SPOPL: variants seen among roughly 807,000 people sequenced by gnomAD.
SPOPL encodes the protein speckle type BTB/POZ protein like.
SPOPL carries 23 observed loss-of-function variants against 53.8 expected under a neutral mutation model. The observed-to-expected ratio is 0.43, with a 90% confidence interval of 0.31 to 0.61. The LOEUF (loss-of-function observed/expected upper bound fraction) is 0.61. Among genes scored for constraint, SPOPL ranks in the 20% least tolerant of loss-of-function variants. SPOPL has a pLI of 0.12. For missense variants in SPOPL, 442 were observed against 466.9 expected, an observed-to-expected ratio of 0.95 and a Z score of 0.49; for synonymous variants, 164 against 149.7, an observed-to-expected ratio of 1.10 and a Z score of -0.70.
chr2:138,542,220 G>T (rs1452034270), intron 1 of SPOPL, among the ~76,000 whole-genome samples: 4 of 152,162 alleles, frequency 2.6e-5, no homozygotes, highest in African/African-American at 9.7e-5. Flanking sequence ...TGTTGATTTG[G>T]GGTGGAGAGT....
At chr2:138,529,083 T>G (rs1039425385) in intron 1 of SPOPL, among the ~76,000 whole-genome samples, 12 of 152,356 alleles carry the variant, frequency 7.9e-5, no homozygotes, top group Admixed American at 4.6e-4. Context: ...CAAAGTTGGC[T>G]GTGAAGCAGA....
At chr2:138,565,133 G>T (rs1424734876) in intron 10 of SPOPL, 140 bp downstream of exon 10, 1 of 1,065,570 alleles carries the variant, frequency 9.4e-7, no homozygotes, top group African/African-American at 1.6e-5. Context: ...AACAAACAAA[G>T]ACTACTTAGT....
In SPOPL at chr2:138,564,866, A is replaced by G. The variant is rs774633894; in HGVS notation, c.980+16A>G. The G allele has an allele frequency of 6.2e-7, 1 of 1,613,980 alleles. No individual in the cohort carries two copies. The highest frequency in any genetic ancestry group is 1.3e-5 in the African/African-American group (1 of 75,064). ...TTATTAATAGGTAAGCTATGCTTGT[A>G]TTTCAGTGGGCATGACAACTTCAAT... is the stretch of plus-strand genomic sequence containing the variant. On this transcript the variant is annotated intron_variant, in intron 9 of 10. Coordinates refer to ENST00000280098, the MANE Select transcript of SPOPL (RefSeq NM_001001664.3).
chr2:138,517,626 G>A (rs1296387243), intron 1 of SPOPL, among the ~76,000 whole-genome samples: 2 of 151,946 alleles, frequency 1.3e-5, no homozygotes, highest in Non-Finnish European at 2.9e-5. Context: ...TGTAGTCCCA[G>A]GTACCTGAGA....
chr2:138,506,725 A>T (rs74342770), intron 1 of SPOPL, among the ~76,000 whole-genome samples: 1,651 of 152,270 alleles, frequency 0.011, 33 homozygotes, highest in African/African-American at 0.037. Context: ...ACTGAGACAT[A>T]TAAGTAGAGA....
chr2:138,534,782 T>C (rs74512919), intron 1 of SPOPL, among the ~76,000 whole-genome samples: 1,654 of 152,264 alleles, frequency 0.011, 34 homozygotes, highest in African/African-American at 0.037. Flanking sequence ...TCCCCACAGG[T>C]CTGGCAACTA....
intron 1 of SPOPL, among the ~76,000 whole-genome samples, chr2:138,527,946 A>G (rs1172454952): frequency 6.6e-6 from 1 of 152,194 alleles, no homozygotes; most frequent in African/African-American, 2.4e-5. Flanking sequence ...ACACATGTCA[A>G]AGTAAGGAGG....
At chr2:138,559,478 T>G in intron 7 of SPOPL, 141 bp downstream of exon 7, 4 of 800,010 alleles carry the variant, frequency 5.0e-6, no homozygotes, top group Non-Finnish European at 7.9e-6. Flanking sequence ...AAAAAATGTG[T>G]TCTATAATAG....
intron 1 of SPOPL, among the ~76,000 whole-genome samples, chr2:138,530,922 A>AGTGTGT (rs10673306): frequency 0.12 from 17,078 of 147,858 alleles, 1,054 homozygotes; most frequent in Middle Eastern, 0.15. Flanking sequence ...CTGTAGAGTG[A>AGTGTGT]GTGTGTGTGT....
chr2:138,547,742 G>A (rs1685228217), intron 1 of SPOPL, among the ~76,000 whole-genome samples: 2 of 152,080 alleles, frequency 1.3e-5, no homozygotes, highest in African/African-American at 4.8e-5. Flanking sequence ...AGATGTATTT[G>A]ACGTTATCAC....
intron 1 of SPOPL, among the ~76,000 whole-genome samples, chr2:138,539,435 C>T (rs1199404331): frequency 2.6e-4 from 39 of 151,790 alleles, no homozygotes; most frequent in East Asian, 3.9e-4. Context: ...TTTTAATGAT[C>T]GCCATTCTAA....
intron 8 of SPOPL, among the ~76,000 whole-genome samples, chr2:138,563,310 T>G (rs1685591570): frequency 6.6e-6 from 1 of 152,058 alleles, no homozygotes; most frequent in Admixed American, 6.6e-5. Flanking sequence ...AGTCCCCATC[T>G]CTACAAAAAA....
At chr2:138,550,327 C>G (rs778515832) in intron 2 of SPOPL, 33 bp downstream of exon 2, 7 of 1,610,834 alleles carry the variant, frequency 4.3e-6, no homozygotes, top group Non-Finnish European at 5.1e-6. Flanking sequence ...CACTTTATGT[C>G]ACTTATAAAT....
intron 1 of SPOPL, among the ~76,000 whole-genome samples, chr2:138,537,024 T>G (rs917801961): frequency 1.3e-5 from 2 of 152,190 alleles, no homozygotes; most frequent in Non-Finnish European, 2.9e-5. Context: ...ATTGGTACCC[T>G]GACAGCACCA....
chr2:138,559,991 CTATGATCAGCCTTCT>C lies in SPOPL; in HGVS notation c.714+655_714+669del, dbSNP rs534282453. 1.7e-3 allele frequency among the ~76,000 whole-genome samples: 264 copies of C among 152,224 alleles called. 1 individual carries two copies. The highest frequency in any genetic ancestry group is 0.011 in the South Asian group (51 of 4,822). On this transcript the variant is annotated intron_variant, in intron 7 of 10. Transcript: ENST00000280098. The stretch of plus-strand genomic sequence containing the variant: ...CTCCAAGTTTTGGTTTGGGGAGATG[CTATGATCAGCCTTCT>C]GATCACTTCCAAGTTGGGAGACATC...
At chr2:138,517,979 C>T (rs754065039) in intron 1 of SPOPL, among the ~76,000 whole-genome samples, 55 of 134,806 alleles carry the variant, frequency 4.1e-4, no homozygotes, top group Non-Finnish European at 7.2e-4. Context: ...ACCTAGGAGG[C>T]GGAGGTGGCA....
chr2:138,569,841 G>C lies in SPOPL; in HGVS notation c.*761G>C, dbSNP rs1256709478. On this transcript the variant is annotated 3_prime_UTR_variant, in exon 11 of 11. Transcript: ENST00000280098. ...AATTTATACTGACCTACATTTATAC[G>C]AAGAATTCTGTACATGTTAAAAGTA... 1 of 152,466 alleles carries C rather than the reference G, an allele frequency of 6.6e-6. No homozygotes were observed. Among genetic ancestry groups the C allele is most frequent in the Non-Finnish European group, 1.5e-5 (1 of 68,002 alleles). 9.4% of individuals were successfully genotyped at this position (152,466 alleles called of 1,614,324 possible).
intron 7 of SPOPL, among the ~76,000 whole-genome samples, chr2:138,560,470 T>C (rs1007966293): frequency 1.3e-5 from 2 of 151,926 alleles, no homozygotes; most frequent in African/African-American, 4.8e-5. Flanking sequence ...TTTAACTTTT[T>C]AATTGAAAAA....
intron 1 of SPOPL, among the ~76,000 whole-genome samples, chr2:138,528,914 A>T (rs1417270435): frequency 6.6e-6 from 1 of 152,186 alleles, no homozygotes; most frequent in African/African-American, 2.4e-5. Context: ...TCTTCTTCTT[A>T]GAGTTAATTT....
Sources: allele counts gnomAD v4.1 joint callset (sites outside exome capture counted in the v4.1 genomes callset), GRCh38; gene constraint gnomAD v4.1.1; transcripts MANE v1.5; gene names NCBI Gene and HGNC (gene_info 2026-07-23, HGNC 2026-07-21).